Variants in ACOT7 observed in about 807,000 individuals in gnomAD.
The protein encoded by ACOT7 is cytosolic acyl coenzyme A thioester hydrolase.
A neutral mutation model predicts 40.2 loss-of-function variants in ACOT7; 12 were observed. The observed-to-expected ratio is 0.30, with a 90% CI of 0.19 to 0.48. The LOEUF (loss-of-function observed/expected upper bound fraction) is 0.48, where lower values mean the gene tolerates loss of function less well. ACOT7 is among the 20% of genes least tolerant of loss of function. ACOT7 has a pLI of 0.99. For missense variants in ACOT7, 395 were observed against 530.8 expected (o/e 0.74, Z 2.51); for synonymous variants, 228 against 219.5 (o/e 1.04, Z -0.34).
chr1:6,326,316 G>A lies in ACOT7; in HGVS notation c.625+983C>T, dbSNP rs375788612. Reference sequence around the variant, plus strand: ...GGACAGATGCTCCCCAGGGCCCCCTGCCCTGAATTGTTTCTAGGAACGCGG... The same window carrying A: ...GGACAGATGCTCCCCAGGGCCCCCTACCCTGAATTGTTTCTAGGAACGCGG... On this transcript the variant is annotated intron_variant, in intron 5 of 8. Coordinates refer to ENST00000361521, the MANE Select transcript of ACOT7 (RefSeq NM_007274.4). Among the ~76,000 whole-genome samples, 11 of 152,324 alleles carry A rather than the reference G, an allele frequency of 7.2e-5. No individual in the cohort carries two copies. In the East Asian group the frequency reaches 1.7e-3, roughly 24 times the overall value.
intron 8 of ACOT7, 48 bp downstream of exon 8, chr1:6,281,054 A>AGGGCTGCCTGGCAGGGAG: frequency 1.3e-6 from 2 of 1,588,116 alleles, no homozygotes; most frequent in East Asian, 2.3e-5. Flanking sequence ...CAGGGACCCT[A>AGGGCTGCCTGGCAGGGAG]GGGCTGCCTG....
At chr1:6,390,840 G>A (rs1255023206) in intron 1 of ACOT7, among the ~76,000 whole-genome samples, 1 of 151,884 alleles carries the variant, frequency 6.6e-6, no homozygotes, top group Non-Finnish European at 1.5e-5. Flanking sequence ...GGAGGCTGAG[G>A]TGGAAGAATC....
intron 2 of ACOT7, 48 bp downstream of exon 2, chr1:6,349,701 C>T (rs755589640): frequency 2.6e-6 from 4 of 1,563,922 alleles, no homozygotes; most frequent in African/African-American, 1.4e-5. Flanking sequence ...CCTGAACTCA[C>T]ACTGGTGCGG....
At position 6,282,749 on chromosome 1, in the gene ACOT7, G is replaced by C. The variant is rs1302610242; in HGVS notation, c.830-1463C>G. 7.7e-7 allele frequency: 1 copy of C among 1,304,182 alleles called. No individual in the cohort carries two copies. The highest frequency in any genetic ancestry group is 1.5e-5 in the African/African-American group (1 of 65,890). The allele number at this position is 1,304,182 out of a possible 1,614,324, so 80.8% of individuals were successfully genotyped here. A position where few individuals can be genotyped will look rare whatever the true frequency, so the allele number is the denominator to read the frequency against. ...AGGGAGCACTTCGTGCCAGTGCTGG[G>C]AGAGGAGGAAGGAGCTGTGTGGTCA... On this transcript the variant is annotated intron_variant, in intron 7 of 8. Transcript: ENST00000361521. This position sits in a 1 kb window ranked among gnomAD's most constrained non-coding sequence, Gnocchi z 4.5.
chr1:6,281,234 C>T lies in ACOT7; in HGVS notation c.882G>A (p.Met294Ile). Residue 294 changes from methionine to isoleucine, a missense_variant, in exon 8 of 9, where the codon ATG becomes ATA. Transcript: ENST00000361521. ...GRMTFTSNKSMEIEVLVDADP... is the reference protein window; with the variant it reads ...GRMTFTSNKSIEIEVLVDADP... ...CGGCGTCCACCAACACCTCGATCTC[C>T]ATGGACTTATTGCTCGTGAAGGTCA... The T allele has an allele frequency of 6.2e-7, 1 of 1,614,106 alleles. No individual in the cohort carries two copies. The highest frequency in any genetic ancestry group is 8.5e-7 in the Non-Finnish European group (1 of 1,180,026).
intron 1 of ACOT7, among the ~76,000 whole-genome samples, chr1:6,375,867 G>T (rs1038463435): frequency 6.6e-6 from 1 of 151,836 alleles, no homozygotes; most frequent in South Asian, 2.1e-4. Flanking sequence ...GAACCCGGGA[G>T]GTGGAGCTTG....
chr1:6,360,527 CT>C (rs1557667538), intron 1 of ACOT7: 2 of 1,611,254 alleles, frequency 1.2e-6, no homozygotes, highest in South Asian at 1.1e-5. Context: ...CTTCCCTCCC[CT>C]GACCCCAAAT....
intron 4 of ACOT7, among the ~76,000 whole-genome samples, chr1:6,328,808 C>T (rs1640876963): frequency 6.6e-6 from 1 of 152,258 alleles, no homozygotes; most frequent in African/African-American, 2.4e-5. Flanking sequence ...CACTGCCCTG[C>T]TGTGCACACT....
chr1:6,309,995 G>A (rs187074119), intron 6 of ACOT7, among the ~76,000 whole-genome samples: 33 of 152,308 alleles, frequency 2.2e-4, no homozygotes, highest in Non-Finnish European at 4.4e-4. Flanking sequence ...GGCCCAGAGA[G>A]TTTAGGTTAG....
intron 6 of ACOT7, among the ~76,000 whole-genome samples, chr1:6,304,936 G>A (rs1459255008): frequency 2.0e-5 from 3 of 146,994 alleles, no homozygotes; most frequent in Admixed American, 2.0e-4. Context: ...GGTGGTGGCC[G>A]GGCAGAGGGG....
In ACOT7 at chr1:6,336,227, G is replaced by A. The variant is rs374981990; in HGVS notation, c.419-2659C>T. Among the ~76,000 whole-genome samples the A allele has an allele frequency of 5.9e-5, 9 of 151,296 alleles. No individual in the cohort carries two copies. In the East Asian group the frequency reaches 7.8e-4, roughly 13 times the overall value. Reference sequence around the variant, plus strand: ...CACGTGCCTGTAATCCCAGCTACTCGGGAGGCTGAGGCAGGAGAATCACTT... The same window carrying A: ...CACGTGCCTGTAATCCCAGCTACTCAGGAGGCTGAGGCAGGAGAATCACTT... On this transcript the variant is annotated intron_variant, in intron 3 of 8. Coordinates refer to ENST00000361521, the MANE Select transcript of ACOT7 (RefSeq NM_007274.4).
In ACOT7 at chr1:6,301,806, G is replaced by A. The variant is rs1639980786; in HGVS notation, c.713-6826C>T. On this transcript the variant is annotated intron_variant, in intron 6 of 8. Coordinates refer to ENST00000361521, the MANE Select transcript of ACOT7 (RefSeq NM_007274.4). This position sits in a 1 kb window ranked among gnomAD's most constrained non-coding sequence, Gnocchi z 4.1. ...CAAAGCCAGGTGAGCTTGATGACCG[G>A]CCAAAAAACCAAGCCCACACTCAAA... Among the ~76,000 whole-genome samples the A allele has an allele frequency of 1.3e-5, 2 of 152,170 alleles. No individual in the cohort carries two copies. Among genetic ancestry groups the A allele is most frequent in the African/African-American group, 4.8e-5 (2 of 41,448 alleles).
At chr1:6,291,814 G>A (rs1406072365) in intron 7 of ACOT7, among the ~76,000 whole-genome samples, 2 of 152,182 alleles carry the variant, frequency 1.3e-5, no homozygotes, top group African/African-American at 4.8e-5. Context: ...GCCCCCCGCG[G>A]TTTCTCACAC....
intron 3 of ACOT7, among the ~76,000 whole-genome samples, chr1:6,335,282 G>A: frequency 6.7e-6 from 1 of 149,358 alleles, no homozygotes; most frequent in East Asian, 2.0e-4. Flanking sequence ...AGCCGAGATG[G>A]CGCCATTGCA....
intron 1 of ACOT7, among the ~76,000 whole-genome samples, chr1:6,360,276 C>A (rs975879162): frequency 6.6e-6 from 1 of 152,222 alleles, no homozygotes. Context: ...AATGTCTGCC[C>A]GGAGGGGAGG....
chr1:6,333,340 C>T (rs545048619), intron 4 of ACOT7, 137 bp downstream of exon 4: 14 of 918,524 alleles, frequency 1.5e-5, no homozygotes, highest in Non-Finnish European at 2.2e-5. Context: ...TGCCTGCTGG[C>T]GGACCTGGCC....
intron 6 of ACOT7, among the ~76,000 whole-genome samples, chr1:6,302,948 C>G (rs1640012577): frequency 6.6e-6 from 1 of 152,208 alleles, no homozygotes. Context: ...TTTAAGAAAA[C>G]AACCCAGAAA....
chr1:6,340,893 G>C (rs59602712), intron 2 of ACOT7, among the ~76,000 whole-genome samples: 8,252 of 151,900 alleles, frequency 0.054, 271 homozygotes, highest in African/African-American at 0.082. Flanking sequence ...AAAGTTACCC[G>C]GGCGTGGCGG....
At chr1:6,327,509 C>T in intron 4 of ACOT7, 96 bp from the exon 5 acceptor site, 1 of 1,023,786 alleles carries the variant, frequency 9.8e-7, no homozygotes, top group South Asian at 1.4e-5. Flanking sequence ...CCTTGTGTAA[C>T]TGGGACTATT....
Sources: allele counts gnomAD v4.1 joint callset (sites outside exome capture counted in the v4.1 genomes callset), GRCh38; gene constraint gnomAD v4.1.1; non-coding constraint Gnocchi (gnomAD v3.1); transcripts MANE v1.5; gene names NCBI Gene and HGNC (gene_info 2026-07-23, HGNC 2026-07-21).